Variants in LY86 observed in about 807,000 individuals in gnomAD.
LY86 encodes lymphocyte antigen 86.
Under a neutral mutation model 17.3 loss-of-function variants are expected in LY86, and 20 were observed. The ratio of observed to expected loss-of-function variants is 1.15; its 90% CI spans 0.81 to 1.68. LY86 has a LOEUF of 1.68. LY86 is among the 40% of genes most tolerant of loss of function. The pLI is 0.00. For missense variants in LY86, 200 were observed against 191.9 expected (o/e 1.04, Z -0.25); for synonymous variants, 74 against 70.6 (o/e 1.05, Z -0.24).
Position 6,588,797 on chromosome 6 carries a change from C to A in LY86, c.63C>A (p.Gly21=), listed in dbSNP as rs558099290. The change falls in exon 1 of 5, where the codon GGC becomes GGA. Residue 21 remains glycine, a synonymous_variant. Coordinates refer to ENST00000230568, the MANE Select transcript of LY86 (RefSeq NM_004271.4). ...TGATTTTTCCCAGCTGCAGTGGAGG[C>A]GGCGGTGGGAAAGCCTGGCCCACAC... ...WTLIFPSCSG[G]GGGKAWPTHV... is the part of the protein sequence containing the mutation. The A allele has an allele frequency of 9.2e-5, 148 of 1,614,140 alleles. 1 individual carries two copies. The South Asian group carries it at 1.5e-3, about 16-fold the overall frequency.
intron 1 of LY86, among the ~76,000 whole-genome samples, chr6:6,616,835 TGTGC>T (rs1761565890): frequency 6.6e-6 from 1 of 152,258 alleles, no homozygotes; most frequent in African/African-American, 2.4e-5. Context: ...TAAACCACCC[TGTGC>T]ATCTGGCCCT....
chr6:6,610,079 G>A (rs1761292881), intron 1 of LY86, among the ~76,000 whole-genome samples: 2 of 152,266 alleles, frequency 1.3e-5, no homozygotes, highest in East Asian at 3.9e-4. Flanking sequence ...GAGCCACCAC[G>A]CCCAGCCAGG....
intron 4 of LY86, among the ~76,000 whole-genome samples, chr6:6,654,231 A>T (rs1430093436): frequency 1.3e-5 from 2 of 152,062 alleles, no homozygotes. Flanking sequence ...GCCTCCTTTC[A>T]CCACCCTGCT....
At chr6:6,606,380 C>G (rs1258956660) in intron 1 of LY86, among the ~76,000 whole-genome samples, 1 of 152,208 alleles carries the variant, frequency 6.6e-6, no homozygotes, top group African/African-American at 2.4e-5. Context: ...TCCAAGTCCC[C>G]CCCAGACTCA....
rs979384535 is a variant in LY86, at chr6:6,593,948, A to C, written c.136+5078A>C. ...ACAGGTCAGCCTTCTTTGAGAGTGA[A>C]GGTTAGATTGTGTACAGGAATGGAT... is the stretch of plus-strand genomic sequence containing the variant. On this transcript the variant is annotated intron_variant, in intron 1 of 4. Coordinates refer to ENST00000230568, the MANE Select transcript of LY86 (RefSeq NM_004271.4). Among the ~76,000 whole-genome samples the C allele has an allele frequency of 5.3e-5, 8 of 152,380 alleles. No individual in the cohort carries two copies. The East Asian group carries it at 1.5e-3, about 29-fold the overall frequency.
In LY86 at chr6:6,629,288, G is replaced by A. The variant is rs115269862; in HGVS notation, c.352+2867G>A. Among the ~76,000 whole-genome samples the A allele has an allele frequency of 3.8e-3, 576 of 152,320 alleles. 1 individual carries two copies. The highest frequency in any genetic ancestry group is 0.013 in the African/African-American group (543 of 41,564). ...ACAAATAATTATGTAAACTATGTAA[G>A]TCAGAGAAACTAAAATCTTAAAGTC... On this transcript the variant is annotated intron_variant, in intron 3 of 4. Transcript: ENST00000230568.
At chr6:6,595,770 G>T (rs891956420) in intron 1 of LY86, among the ~76,000 whole-genome samples, 4 of 152,138 alleles carry the variant, frequency 2.6e-5, no homozygotes, top group African/African-American at 9.7e-5. Context: ...TATAGTCAGA[G>T]CCCTCCTGCA....
intron 1 of LY86, among the ~76,000 whole-genome samples, chr6:6,623,623 A>C (rs780697135): frequency 6.6e-6 from 1 of 152,142 alleles, no homozygotes; most frequent in Non-Finnish European, 1.5e-5. Context: ...CCATCCATTC[A>C]CTCAACATGT....
chr6:6,594,281 T>A (rs1023778600), intron 1 of LY86, among the ~76,000 whole-genome samples: 3 of 152,352 alleles, frequency 2.0e-5, no homozygotes, highest in Middle Eastern at 6.8e-3. Context: ...GGTGCCTGTT[T>A]GCATATGGCC....
rs77450836 is a variant in LY86 at position 6,640,685 on chromosome 6, C to T, written c.353-8940C>T. 6.9e-3 allele frequency among the ~76,000 whole-genome samples: 1,052 copies of T among 151,478 alleles called. 15 individuals are homozygous for T. The highest frequency in any genetic ancestry group is 0.024 in the African/African-American group (991 of 41,220). Reference sequence around the variant, plus strand: ...CTATGATCACACCATTGCACTGCAGCCCTGGGCAACAGAGTGAGATTTCTC... The same window carrying T: ...CTATGATCACACCATTGCACTGCAGTCCTGGGCAACAGAGTGAGATTTCTC... On this transcript the variant is annotated intron_variant, in intron 3 of 4. Coordinates refer to ENST00000230568, the MANE Select transcript of LY86 (RefSeq NM_004271.4).
intron 3 of LY86, among the ~76,000 whole-genome samples, chr6:6,647,199 C>A (rs1762118885): frequency 6.6e-6 from 1 of 152,220 alleles, no homozygotes; most frequent in Non-Finnish European, 1.5e-5. Context: ...AATATTCATG[C>A]TTCTCTCAAA....
chr6:6,653,391 A>C (rs1476726533), intron 4 of LY86, among the ~76,000 whole-genome samples: 1 of 152,180 alleles, frequency 6.6e-6, no homozygotes, highest in Non-Finnish European at 1.5e-5. Context: ...CCTCTGCCAC[A>C]GTCCCTCTGC....
chr6:6,612,412 A>G (rs896634526), intron 1 of LY86, among the ~76,000 whole-genome samples: 1 of 152,176 alleles, frequency 6.6e-6, no homozygotes, highest in East Asian at 1.9e-4. Context: ...ACCTAGTCTC[A>G]CTGGCCTCAT....
chr6:6,599,970 C>T (rs1406278126), intron 1 of LY86, among the ~76,000 whole-genome samples: 1 of 149,086 alleles, frequency 6.7e-6, no homozygotes, highest in Non-Finnish European at 1.5e-5. Flanking sequence ...TGCACACCCA[C>T]ATCCCCAAAG....
intron 1 of LY86, among the ~76,000 whole-genome samples, chr6:6,614,610 A>C (rs1318417471): frequency 6.6e-6 from 1 of 151,796 alleles, no homozygotes; most frequent in Non-Finnish European, 1.5e-5. Flanking sequence ...GTCCTGTCTC[A>C]TGCTCCCCAT....
chr6:6,612,136 C>T (rs765990807), intron 1 of LY86, among the ~76,000 whole-genome samples: 3 of 151,946 alleles, frequency 2.0e-5, no homozygotes, highest in African/African-American at 4.8e-5. Context: ...TCAACAACTC[C>T]TAAGATTGAT....
chr6:6,644,486 C>T (rs1762082450), intron 3 of LY86, among the ~76,000 whole-genome samples: 1 of 151,984 alleles, frequency 6.6e-6, no homozygotes, highest in Non-Finnish European at 1.5e-5. Flanking sequence ...ATTGCACAAC[C>T]TGGGTGACAG....
chr6:6,604,766 A>C (rs560417963), intron 1 of LY86, among the ~76,000 whole-genome samples: 6 of 152,068 alleles, frequency 3.9e-5, no homozygotes, highest in Non-Finnish European at 5.9e-5. Context: ...CGTGCTTCCC[A>C]CAGTTTCCCA....
intron 1 of LY86, among the ~76,000 whole-genome samples, chr6:6,612,554 C>T (rs755298608): frequency 2.6e-5 from 4 of 152,164 alleles, no homozygotes; most frequent in Non-Finnish European, 5.9e-5. Context: ...AACGAAACAA[C>T]CAGTTGTCAC....
Sources: allele counts gnomAD v4.1 joint callset (sites outside exome capture counted in the v4.1 genomes callset), GRCh38; gene constraint gnomAD v4.1.1; transcripts MANE v1.5; gene names NCBI Gene and HGNC (gene_info 2026-07-23, HGNC 2026-07-21).